Variants in NBPF20 observed in about 807,000 individuals in gnomAD.
The protein encoded by NBPF20 is NBPF member 20, also known as NBPF family member NBPF20.
Under a neutral mutation model 68.1 loss-of-function variants are expected in NBPF20, and 90 were observed. The observed-to-expected ratio is 1.32, with a 90% confidence interval of 1.11 to 1.58. The LOEUF (loss-of-function observed/expected upper bound fraction) is 1.58. Ranked by LOEUF, NBPF20 falls within the 40% of genes most tolerant of loss-of-function variation. The probability of loss-of-function intolerance (pLI) is 0.00; values close to 1 mark genes in which losing one functional copy is unlikely to be tolerated. For synonymous variants in NBPF20, 290 were observed against 228.1 expected (o/e 1.27, Z -2.45); for missense variants, 816 against 601.2 (o/e 1.36, Z -3.74).
At chr1:145,421,452 G>C in the NBPF20 span, among the ~76,000 whole-genome samples, 282 of 152,298 alleles carry the variant, frequency 1.9e-3, no homozygotes, top group African/African-American at 6.4e-3. Flanking sequence ...TATTTTATTT[G>C]TTACATGGTG....
At chr1:145,420,182 T>G in the NBPF20 span, among the ~76,000 whole-genome samples, 26 of 133,932 alleles carry the variant, frequency 1.9e-4, no homozygotes, top group East Asian at 4.8e-4. Flanking sequence ...GGGCAGAGAA[T>G]GGGGGGTAAG....
exon 138 of NBPF20, chr1:145,290,023 A>C (rs1660960508): frequency 6.7e-6 from 1 of 148,620 alleles, no homozygotes; most frequent in Non-Finnish European, 1.5e-5. Context: ...AAAAGGTTTT[A>C]ATTGTATAGA....
At position 145,393,728 on chromosome 1, in the gene NBPF20, A is replaced by T. The variant is rs1331628059; in HGVS notation, c.1043+156T>A. The T allele has an allele frequency of 3.3e-6, 5 of 1,505,396 alleles. No homozygotes were observed. The African/African-American group carries it at 4.1e-5, about 12-fold the overall frequency. 93.3% of individuals were successfully genotyped at this position (1,505,396 alleles called of 1,614,324 possible). ...GGTAGGAAGAAATGGAAACCTAAACATGTACTCTAATGAGAACCAGAAAGC... is the reference window on the plus strand; with the variant it reads ...GGTAGGAAGAAATGGAAACCTAAACTTGTACTCTAATGAGAACCAGAAAGC... On this transcript the variant is annotated intron_variant, in intron 9 of 137. Transcript: ENST00000369373.
chr1:145,406,227 C>A (rs1553667403), upstream of NBPF20, among the ~76,000 whole-genome samples: 1 of 151,832 alleles, frequency 6.6e-6, no homozygotes, highest in East Asian at 1.9e-4. Flanking sequence ...AGCCACCGCG[C>A]CCGGCCGACT....
chr1:145,390,335 C>CAG (rs1661943213), intron 13 of NBPF20, among the ~76,000 whole-genome samples: 1 of 64,700 alleles, frequency 1.5e-5, no homozygotes, highest in Non-Finnish European at 2.6e-5. Context: ...CACACACACA[C>CAG]ACACACACAG....
intron 8 of NBPF20, among the ~76,000 whole-genome samples, chr1:145,394,224 G>A (rs1662100484): frequency 6.6e-6 from 1 of 151,838 alleles, no homozygotes; most frequent in African/African-American, 2.4e-5. Context: ...TAAATTGTAG[G>A]CAAATAGTTC....
At chr1:145,408,096 AAAG>A (rs1662881360), upstream of NBPF20, 1 of 202,466 alleles carries the variant, frequency 4.9e-6, no homozygotes, top group Non-Finnish European at 1.1e-5. Context: ...GCTGATGGGC[AAAG>A]AAGGTATCCA....
intron 129 of NBPF20, among the ~76,000 whole-genome samples, chr1:145,298,369 C>A (rs1425709624): frequency 3.5e-5 from 5 of 144,124 alleles, no homozygotes; most frequent in Admixed American, 2.7e-4. Context: ...CACACACACA[C>A]AGACACACAC....
intron 73 of NBPF20, 129 bp from the exon 79 acceptor site, chr1:145,342,688 CA>C (rs1661625655): frequency 5.0e-6 from 1 of 198,734 alleles, no homozygotes; most frequent in Non-Finnish European, 8.4e-6. Flanking sequence ...AATGAGGTAA[CA>C]AATTATTGCC....
intron 2 of NBPF20, among the ~76,000 whole-genome samples, chr1:145,404,750 T>C (rs1412101563): frequency 6.6e-6 from 1 of 152,090 alleles, no homozygotes; most frequent in African/African-American, 2.4e-5. Flanking sequence ...CCTAGACATT[T>C]AGAACAACAG....
chr1:145,291,538 T>A lies in NBPF20; in HGVS notation c.16929A>T (p.Ile5643=), dbSNP rs782245134. ...TAGTAAGGGCTGTTTATTGTGGGAA[T>A]ATGACTCCCATCTGGAACACCAGGT... is the stretch of plus-strand genomic sequence containing the variant. The change falls in exon 138 of 138, where the codon ATA becomes ATT. Residue 5643 remains isoleucine (I), a synonymous_variant. Transcript: ENST00000369373. 3.1e-6 allele frequency: 5 copies of A among 1,612,022 alleles called. No homozygotes were observed. In the East Asian group the frequency reaches 8.9e-5, roughly 29 times the overall value.
At chr1:145,291,237 G>C (rs1661052582) in exon 138 of NBPF20, 2 of 555,488 alleles carry the variant, frequency 3.6e-6, no homozygotes, top group African/African-American at 3.8e-5. Flanking sequence ...TGAAATCCCT[G>C]AGGAATTTTG....
chr1:145,404,991 T>C, intron 2 of NBPF20, 107 bp downstream of exon 7: 5 of 1,486,400 alleles, frequency 3.4e-6, no homozygotes, highest in Non-Finnish European at 4.7e-6. Context: ...TCTGTTTTCC[T>C]ACAAGTACAA....
chr1:145,392,803 A>T lies in NBPF20; in HGVS notation c.1216+271T>A, dbSNP rs1661973306. Among the ~76,000 whole-genome samples the T allele has an allele frequency of 2.1e-5, 2 of 95,266 alleles. 1 individual carries two copies. The highest frequency in any genetic ancestry group is 6.6e-4 in the South Asian group (2 of 3,046). The allele number at this position is 95,266 out of a possible 152,430, so 62.5% of individuals were successfully genotyped here. ...ATTGAGACAAAATCAGAGTTGTGTG[A>T]ATTTGTCACATCTGCCCAGGTCGAA... On this transcript the variant is annotated intron_variant, in intron 10 of 137. Coordinates refer to ENST00000369373, the Ensembl canonical transcript of NBPF20.
chr1:145,404,707 A>G (rs1553666533), intron 2 of NBPF20, among the ~76,000 whole-genome samples: 1 of 152,210 alleles, frequency 6.6e-6, no homozygotes, highest in African/African-American at 2.4e-5. Flanking sequence ...TTGGGCCTCA[A>G]CAGAAACTTG....
intron 2 of NBPF20, among the ~76,000 whole-genome samples, chr1:145,404,840 C>T (rs200492297): frequency 8.0e-5 from 12 of 150,700 alleles, no homozygotes; most frequent in Non-Finnish European, 1.6e-4. Context: ...TTGGAGAAAA[C>T]AGGTCGTTCT....
intron 8 of NBPF20, 65 bp downstream of exon 13, chr1:145,394,913 A>G (rs1256382192): frequency 1.3e-5 from 21 of 1,598,748 alleles, no homozygotes; most frequent in Non-Finnish European, 1.6e-5. Context: ...CACAAGGCCC[A>G]AAGATTATGG....
At chr1:145,401,351 T>C (rs1662514293) in intron 4 of NBPF20, among the ~76,000 whole-genome samples, 2 of 130,348 alleles carry the variant, frequency 1.5e-5, no homozygotes, top group African/African-American at 5.7e-5. Context: ...TGGCCAAATA[T>C]TGAAAAGACC....
intron 2 of NBPF20, among the ~76,000 whole-genome samples, chr1:145,403,570 A>C (rs1451659717): frequency 6.6e-6 from 1 of 152,222 alleles, no homozygotes; most frequent in Admixed American, 6.5e-5. Flanking sequence ...AACCACAACG[A>C]AGTGGAGTCA....
Sources: gnomAD v4.1 joint callset for allele counts (sites outside exome capture counted in the v4.1 genomes callset) on GRCh38, gnomAD v4.1.1 for gene constraint, MANE v1.5 for transcripts, NCBI Gene and HGNC (gene_info 2026-07-23, HGNC 2026-07-21) for gene names.